The following TRIM16 variants were observed in gnomAD, a reference collection of about 807,000 sequenced individuals.
TRIM16 encodes tripartite motif containing 16.
TRIM16 carries 33 observed loss-of-function variants against 50.4 expected under a neutral mutation model. The observed-to-expected ratio is 0.65, with a 90% CI of 0.50 to 0.88. The LOEUF (loss-of-function observed/expected upper bound fraction) is 0.88. TRIM16 is among the 40% of genes least tolerant of loss of function. The probability of loss-of-function intolerance (pLI) is 0.00; values close to 1 mark genes in which losing one functional copy is unlikely to be tolerated. For missense variants in TRIM16, 581 were observed against 686.8 expected, an observed-to-expected ratio of 0.85 and a Z score of 1.72; for synonymous variants, 229 against 270.7, an observed-to-expected ratio of 0.85 and a Z score of 1.51.
At chr17:15,672,753 T>A (rs2649463) in intron 6 of TRIM16, among the ~76,000 whole-genome samples, 3,472 of 151,864 alleles carry the variant, frequency 0.023, 134 homozygotes, top group African/African-American at 0.079. Flanking sequence ...ACAAACAAAC[T>A]AATCTGAGAG....
intron 6 of TRIM16, among the ~76,000 whole-genome samples, chr17:15,656,860 C>T (rs1988006788): frequency 6.6e-6 from 1 of 152,050 alleles, no homozygotes; most frequent in Admixed American, 6.5e-5. Flanking sequence ...TCAAGTGATC[C>T]TCCCACCTCA....
intron 6 of TRIM16, among the ~76,000 whole-genome samples, chr17:15,671,140 AC>A (rs1389241974): frequency 6.6e-6 from 1 of 152,246 alleles, no homozygotes; most frequent in Non-Finnish European, 1.5e-5. Flanking sequence ...ATAAACTAGC[AC>A]ACGAATGAAC....
In TRIM16 at chr17:15,651,907, C is replaced by T; in HGVS notation, c.-298G>A. On this transcript the variant is annotated 5_prime_UTR_variant, in exon 7 of 12. Coordinates refer to ENST00000649191, the MANE Select transcript of TRIM16 (RefSeq NM_001348119.1). Reference sequence around the variant, plus strand: ...TATTCTTATGTGAATCATCTGAACCCCATAGGCTCTGCTGAAGACCACGTG... The same window carrying T: ...TATTCTTATGTGAATCATCTGAACCTCATAGGCTCTGCTGAAGACCACGTG... The T allele has an allele frequency of 2.2e-6, 3 of 1,336,736 alleles. No individual in the cohort carries two copies. The Admixed American group carries it at 9.9e-5, about 44-fold the overall frequency. 82.8% of individuals were successfully genotyped at this position (1,336,736 alleles called of 1,614,324 possible). A position where few individuals can be genotyped will look rare whatever the true frequency, so the allele number is the denominator to read the frequency against.
chr17:15,684,247 C>A lies in TRIM16; in HGVS notation c.-950G>T, dbSNP rs908819393. ...TCCAGACACAGAGAGGGTGTCTGCT[C>A]TGGGGGACAGGGAGGACACAGACTC... On this transcript the variant is annotated 5_prime_UTR_variant, in exon 1 of 12. Transcript: ENST00000649191. The A allele has an allele frequency of 6.6e-6, 1 of 152,164 alleles. No homozygotes were observed. The highest frequency in any genetic ancestry group is 2.4e-5 in the African/African-American group (1 of 41,428). The allele number at this position is 152,164 out of a possible 1,614,324, so 9.4% of individuals were successfully genotyped here. A position where few individuals can be genotyped will look rare whatever the true frequency, so the allele number is the denominator to read the frequency against.
intron 8 of TRIM16, among the ~76,000 whole-genome samples, chr17:15,637,636 C>T (rs1986886167): frequency 1.3e-5 from 2 of 148,420 alleles, no homozygotes; most frequent in African/African-American, 4.9e-5. Context: ...GGGGTCAGCC[C>T]CCCCGCCCGG....
At chr17:15,670,144 G>T (rs1428961238) in intron 6 of TRIM16, among the ~76,000 whole-genome samples, 1 of 152,188 alleles carries the variant, frequency 6.6e-6, no homozygotes, top group Non-Finnish European at 1.5e-5. Flanking sequence ...CATGCACACA[G>T]AATTATTTTC....
intron 6 of TRIM16, among the ~76,000 whole-genome samples, chr17:15,669,134 C>CACTCTGCT (rs1230430919): frequency 2.0e-5 from 3 of 151,720 alleles, no homozygotes; most frequent in African/African-American, 4.8e-5. Context: ...GAGAAAAAGG[C>CACTCTGCT]ACTCTGCTAC....
chr17:15,630,932 C>A (rs1167454659), intron 11 of TRIM16, among the ~76,000 whole-genome samples: 1 of 152,020 alleles, frequency 6.6e-6, no homozygotes, highest in Non-Finnish European at 1.5e-5. Context: ...TAGTTAAGTT[C>A]TTGAGGAATC....
At position 15,628,932 on chromosome 17, in the gene TRIM16, T is replaced by C. The variant is rs1161102383; in HGVS notation, c.1378A>G (p.Ile460Val). 5 of 1,614,224 alleles carry C rather than the reference T, an allele frequency of 3.1e-6. No individual in the cohort carries two copies. The East Asian group carries it at 6.7e-5, about 22-fold the overall frequency. The part of the protein sequence containing the change: ...DRKGEERNSC[I>V]SGNNFSWSLQ... ...CTCCAGGAGAAGTTGTTTCCGGAAATGCAACTGTTGCGCTCCTCCCCTTTC... is the reference window on the plus strand; with the variant it reads ...CTCCAGGAGAAGTTGTTTCCGGAAACGCAACTGTTGCGCTCCTCCCCTTTC... The change falls in exon 12 of 12, where the codon ATT becomes GTT. Residue 460 changes from isoleucine to valine, a missense_variant. Physicochemically the swap from Ile to Val is conservative, Grantham distance 29. Coordinates refer to ENST00000649191, the MANE Select transcript of TRIM16 (RefSeq NM_001348119.1).
chr17:15,646,500 C>T (rs541271400), intron 7 of TRIM16, among the ~76,000 whole-genome samples: 19 of 137,292 alleles, frequency 1.4e-4, no homozygotes, highest in African/African-American at 5.4e-4. Flanking sequence ...ATTTGGAGTC[C>T]GAAATATTTT....
intron 6 of TRIM16, among the ~76,000 whole-genome samples, chr17:15,665,073 T>C: frequency 6.7e-6 from 1 of 149,152 alleles, no homozygotes; most frequent in Non-Finnish European, 1.5e-5. Context: ...AGTTGGGTGG[T>C]ACTGTAAACC....
In TRIM16 at chr17:15,629,043, T is replaced by C. The variant is rs754572520; in HGVS notation, c.1267A>G (p.Ser423Gly). The change falls in exon 12 of 12, where the codon AGT (serine) becomes GGT (glycine). Residue 423 changes from serine to glycine, a missense_variant. Ser to Gly is a moderately conservative substitution (Grantham distance 56). Around this residue, in one of 3 missense-constraint regions of TRIM16, gnomAD observed 450 missense variants for 544.3 expected, o/e 0.83. Transcript: ENST00000649191. ...AAATAGTACCTGTGCAGGTACAGAC[T>C]CTGCTGGGACAGCACCTGCCGCCAG... ...LHWRQVLSQQSLYLHRYYFEV... is the reference protein window; with the variant it reads ...LHWRQVLSQQGLYLHRYYFEV... The C allele has an allele frequency of 3.1e-6, 5 of 1,613,886 alleles. No homozygotes were observed. In the African/African-American group the frequency reaches 6.7e-5, roughly 22 times the overall value.
intron 4 of TRIM16, among the ~76,000 whole-genome samples, chr17:15,680,004 G>A (rs1567693676): frequency 6.6e-6 from 1 of 151,740 alleles, no homozygotes; most frequent in Non-Finnish European, 1.5e-5. Context: ...AGAACTTTGA[G>A]TATAAGAAGC....
intron 8 of TRIM16, among the ~76,000 whole-genome samples, chr17:15,640,219 G>A (rs1411620917): frequency 6.7e-6 from 1 of 148,414 alleles, no homozygotes; most frequent in Non-Finnish European, 1.5e-5. Flanking sequence ...CTGCAGTATA[G>A]CACTGAGCTG....
intron 6 of TRIM16, among the ~76,000 whole-genome samples, chr17:15,660,675 G>C (rs1988185220): frequency 6.6e-6 from 1 of 152,016 alleles, no homozygotes; most frequent in African/African-American, 2.4e-5. Context: ...GAGGTGGGTG[G>C]ATCACGAGGT....
chr17:15,643,124 A>G, intron 7 of TRIM16: 2 of 1,134,122 alleles, frequency 1.8e-6, no homozygotes, highest in Non-Finnish European at 2.2e-6. Flanking sequence ...AACCAGAAAT[A>G]AAATCCTAAA....
At chr17:15,678,799 C>T (rs1176707887) in intron 4 of TRIM16, among the ~76,000 whole-genome samples, 2 of 151,772 alleles carry the variant, frequency 1.3e-5, no homozygotes, top group Non-Finnish European at 2.9e-5. Flanking sequence ...AGTTCAAATA[C>T]ACAGGTGGCA....
intron 6 of TRIM16, among the ~76,000 whole-genome samples, chr17:15,660,459 T>C (rs1217098444): frequency 6.6e-6 from 1 of 152,124 alleles, no homozygotes; most frequent in Non-Finnish European, 1.5e-5. Flanking sequence ...AACCAGATGG[T>C]TAAACACTCC....
chr17:15,635,757 G>T (rs1482189110), intron 9 of TRIM16, among the ~76,000 whole-genome samples: 1 of 125,820 alleles, frequency 7.9e-6, no homozygotes, highest in African/African-American at 3.3e-5. Flanking sequence ...AAACCTCTCT[G>T]CCTTTGCATA....
Sources: allele counts gnomAD v4.1 joint callset (sites outside exome capture counted in the v4.1 genomes callset), GRCh38; gene constraint gnomAD v4.1.1; regional missense constraint gnomAD v4.1.1; transcripts MANE v1.5; gene names NCBI Gene and HGNC (gene_info 2026-07-23, HGNC 2026-07-21).